Variants in TTC5 observed in about 807,000 individuals in gnomAD.
TTC5 encodes the protein tetratricopeptide repeat protein 5.
TTC5 carries 46 observed loss-of-function variants against 57.4 expected under a neutral mutation model. The observed-to-expected ratio is 0.80, with a 90% CI of 0.63 to 1.03. The LOEUF is 1.03. Ranked by LOEUF, TTC5 falls within the 50% of genes least tolerant of loss-of-function variation. The probability of loss-of-function intolerance (pLI) is 0.00; values close to 1 mark genes in which losing one functional copy is unlikely to be tolerated. For synonymous variants in TTC5, 190 were observed against 203.5 expected (o/e 0.93, Z 0.57); for missense variants, 504 against 528.1 (o/e 0.95, Z 0.45).
At chr14:20,299,148 T>G (rs1487350922) in intron 4 of TTC5, 150 bp downstream of exon 4, 6 of 857,382 alleles carry the variant, frequency 7.0e-6, no homozygotes, top group Non-Finnish European at 8.8e-6. Context: ...GAAAAGTAGT[T>G]CCCCAAAATG....
intron 9 of TTC5, among the ~76,000 whole-genome samples, chr14:20,291,731 G>C (rs1881956700): frequency 1.3e-5 from 2 of 152,000 alleles, no homozygotes; most frequent in African/African-American, 2.4e-5. Flanking sequence ...ACTGTTAACA[G>C]TAACAGTTAA....
chr14:20,291,295 T>C (rs914359581), intron 9 of TTC5, among the ~76,000 whole-genome samples: 8 of 152,168 alleles, frequency 5.3e-5, no homozygotes, highest in African/African-American at 1.9e-4. Flanking sequence ...TGGGCTCAAG[T>C]GATCCTCCCA....
chr14:20,301,712 T>C, intron 2 of TTC5, 121 bp downstream of exon 2: 3 of 1,277,402 alleles, frequency 2.3e-6, no homozygotes, highest in Non-Finnish European at 3.2e-6. Flanking sequence ...TGAGAAGTAG[T>C]ATTACGTTGT....
chr14:20,295,971 G>T, intron 6 of TTC5, 117 bp from the exon 7 acceptor site: 1 of 1,074,214 alleles, frequency 9.3e-7, no homozygotes, highest in Non-Finnish European at 1.3e-6. Flanking sequence ...TTATTTTCCT[G>T]TGCTGCAACA....
At chr14:20,292,206 A>C in intron 8 of TTC5, 79 bp from the exon 9 acceptor site, 1 of 1,075,782 alleles carries the variant, frequency 9.3e-7, no homozygotes, top group East Asian at 2.9e-5. Context: ...ACAGTGGTTT[A>C]AAAATACTAG....
At chr14:20,300,269 G>C (rs1230330332) in intron 3 of TTC5, 1 of 194,826 alleles carries the variant, frequency 5.1e-6, no homozygotes, top group Admixed American at 5.6e-5. Flanking sequence ...AAAGTGCTAG[G>C]ATTACAGGTG....
In TTC5 at chr14:20,292,009, G is replaced by A. The variant is rs1881963746; in HGVS notation, c.1177C>T (p.Leu393Phe). ...SVAIPEPNLR[L>F]HRIQHKGKDY... ...TTTCCTTTGTGCTGAATTCGGTGAA[G>A]CCGCAGGTTGGGCTCAGGAATGGCT... is the stretch of plus-strand genomic sequence containing the variant. The change falls in exon 9 of 10, where the codon CTT becomes TTT. Residue 393 changes from leucine (L) to phenylalanine (F), a missense_variant. Coordinates refer to ENST00000258821, the MANE Select transcript of TTC5 (RefSeq NM_138376.3). 2 of 1,590,958 alleles carry A rather than the reference G, an allele frequency of 1.3e-6. No individual in the cohort carries two copies. The highest frequency in any genetic ancestry group is 1.7e-6 in the Non-Finnish European group (2 of 1,169,022).
At chr14:20,297,787 A>G (rs1882097220) in intron 5 of TTC5, among the ~76,000 whole-genome samples, 1 of 151,988 alleles carries the variant, frequency 6.6e-6, no homozygotes, top group Admixed American at 6.6e-5. Flanking sequence ...AAAAAAAAAG[A>G]TTAAAAAGTG....
chr14:20,289,951 A>G (rs551638186), intron 9 of TTC5, among the ~76,000 whole-genome samples: 7 of 152,214 alleles, frequency 4.6e-5, no homozygotes, highest in African/African-American at 1.4e-4. Context: ...AACATGGAGC[A>G]TGTAAGGTCA....
In TTC5 at chr14:20,295,879, A is replaced by AT. The variant is rs759735801; in HGVS notation, c.697-26dup. 18 of 1,549,426 alleles carry AT rather than the reference A, an allele frequency of 1.2e-5. No individual in the cohort carries two copies. In the East Asian group the frequency reaches 2.1e-4, roughly 18 times the overall value. ...ACTGTACAAGAAGTGTATCCCAATT[A>AT]TAAGTATATCCAGACAAACTATCCC... On this transcript the variant is annotated intron_variant, in intron 6 of 9. Coordinates refer to ENST00000258821, the MANE Select transcript of TTC5 (RefSeq NM_138376.3).
At chr14:20,292,201 G>A (rs1881969521) in intron 8 of TTC5, 74 bp from the exon 9 acceptor site, 1 of 1,161,426 alleles carries the variant, frequency 8.6e-7, no homozygotes, top group South Asian at 3.1e-5. Flanking sequence ...CAGAAACAGT[G>A]GTTTAAAAAT....
In TTC5 at chr14:20,287,298, G is replaced by A; in HGVS notation, c.*2329C>T. 1 of 152,210 alleles carries A rather than the reference G, an allele frequency of 6.6e-6. No homozygotes were observed. Among genetic ancestry groups the A allele is most frequent in the Non-Finnish European group, 1.5e-5 (1 of 68,040 alleles). The allele number at this position is 152,210 out of a possible 1,614,324, so 9.4% of individuals were successfully genotyped here. On this transcript the variant is annotated 3_prime_UTR_variant, in exon 10 of 10. Coordinates refer to ENST00000258821, the MANE Select transcript of TTC5 (RefSeq NM_138376.3). ...GCATTTCAAAGAAGTTCCAAGGGATGCTGATGCTGCTGGTCTGGGAACCAC... is the reference window on the plus strand; with the variant it reads ...GCATTTCAAAGAAGTTCCAAGGGATACTGATGCTGCTGGTCTGGGAACCAC...
chr14:20,291,637 C>T (rs1881954575), intron 9 of TTC5, among the ~76,000 whole-genome samples: 1 of 152,030 alleles, frequency 6.6e-6, no homozygotes, highest in African/African-American at 2.4e-5. Flanking sequence ...CAAACATTTG[C>T]ATATAATATC....
At position 20,298,615 on chromosome 14, in the gene TTC5, A is replaced by C. The variant is rs567049159; in HGVS notation, c.639+182T>G. Among the ~76,000 whole-genome samples, 102 of 152,292 alleles carry C rather than the reference A, an allele frequency of 6.7e-4. 1 individual carries two copies. In the South Asian group the frequency reaches 0.021, roughly 31 times the overall value. On this transcript the variant is annotated intron_variant, in intron 5 of 9. Coordinates refer to ENST00000258821, the MANE Select transcript of TTC5 (RefSeq NM_138376.3). Reference sequence around the variant, plus strand: ...TGCGACACGATGCAAGTGGTTCCTAACACTCAAGTTATAAGAAGTCAGTCA... The same window carrying C: ...TGCGACACGATGCAAGTGGTTCCTACCACTCAAGTTATAAGAAGTCAGTCA...
At chr14:20,301,229 CAG>C (rs1302604005) in intron 2 of TTC5, among the ~76,000 whole-genome samples, 1 of 152,208 alleles carries the variant, frequency 6.6e-6, no homozygotes, top group Admixed American at 6.5e-5. Context: ...TAAAACAAAA[CAG>C]AGAGAGAGAA....
At chr14:20,291,837 TAA>T in intron 9 of TTC5, 144 bp downstream of exon 9, 1 of 602,260 alleles carries the variant, frequency 1.7e-6, no homozygotes, top group Non-Finnish European at 2.3e-6. Context: ...TATATATATA[TAA>T]ATAAAACATA....
In TTC5 at chr14:20,301,422, T is replaced by C. The variant is rs553831392; in HGVS notation, c.184+411A>G. ...AAACAATGGACACTTAAATACCAGG[T>C]TAAGGGGGTTAGACTTCAGCTAGTC... On this transcript the variant is annotated intron_variant, in intron 2 of 9. Coordinates refer to ENST00000258821, the MANE Select transcript of TTC5 (RefSeq NM_138376.3). Among the ~76,000 whole-genome samples, 55 of 152,122 alleles carry C rather than the reference T, an allele frequency of 3.6e-4. 1 individual carries two copies. Among genetic ancestry groups the C allele is most frequent in the African/African-American group, 1.2e-3 (49 of 41,504 alleles).
Position 20,287,616 on chromosome 14 carries a change from G to A in TTC5, c.*2011C>T, listed in dbSNP as rs1881865416. On this transcript the variant is annotated 3_prime_UTR_variant, in exon 10 of 10. Transcript: ENST00000258821. ...ATTCTAGTTATTCCTGAAACCGTAT[G>A]TACAAATTTTGCATACTTACTTGTT... The A allele has an allele frequency of 6.6e-6, 1 of 152,130 alleles. No homozygotes were observed. The highest frequency in any genetic ancestry group is 2.1e-4 in the South Asian group (1 of 4,812). 9.4% of individuals were successfully genotyped at this position (152,130 alleles called of 1,614,324 possible).
At chr14:20,291,111 T>C (rs1273775919) in intron 9 of TTC5, among the ~76,000 whole-genome samples, 3 of 152,112 alleles carry the variant, frequency 2.0e-5, no homozygotes, top group African/African-American at 2.4e-5. Flanking sequence ...TGGCGTGCAA[T>C]GGGACAATAA....
Sources: allele counts gnomAD v4.1 joint callset (sites outside exome capture counted in the v4.1 genomes callset), GRCh38; gene constraint gnomAD v4.1.1; transcripts MANE v1.5; gene names NCBI Gene and HGNC (gene_info 2026-07-23, HGNC 2026-07-21).